Variants in H2BC7 observed in about 807,000 individuals in gnomAD.
H2BC7 encodes the protein H2B clustered histone 7, also known as histone H2B type 1-C/E/F/G/I.
H2BC7 carries 15 observed loss-of-function variants against 6.0 expected under a neutral mutation model. That is an observed-to-expected ratio of 2.48 (90% CI 1.66 to 3.82). The LOEUF is 3.82. Among genes scored for constraint, H2BC7 ranks in the 30% most tolerant of loss-of-function variants. H2BC7 has a pLI of 0.00. For synonymous variants in H2BC7, 148 were observed against 70.7 expected (o/e 2.09, Z -5.49); for missense variants, 227 against 169.4 (o/e 1.34, Z -1.89).
rs2113861187 is a variant in H2BC7 at position 26,199,654 on chromosome 6, T to C, written c.96T>C (p.Arg32=). The C allele has an allele frequency of 6.2e-7, 1 of 1,614,260 alleles. No individual in the cohort carries two copies. Residue 32 remains arginine (R), a synonymous_variant, in exon 1 of 1, where the codon CGT becomes CGC. Coordinates refer to ENST00000356530, the MANE Select transcript of H2BC7 (RefSeq NM_003522.4). ...AQKKDGKKRK[R]SRKESYSVYV... ...AGAAGGATGGTAAGAAGCGCAAGCGTAGCCGCAAGGAGAGCTATTCCGTGT... is the reference window on the plus strand; with the variant it reads ...AGAAGGATGGTAAGAAGCGCAAGCGCAGCCGCAAGGAGAGCTATTCCGTGT...
In H2BC7 at chr6:26,199,676, G is replaced by A. The variant is rs1262145085; in HGVS notation, c.118G>A (p.Val40Met). 3.1e-6 allele frequency: 5 copies of A among 1,614,124 alleles called. No individual in the cohort carries two copies. Among genetic ancestry groups the A allele is most frequent in the African/African-American group, 1.3e-5 (1 of 74,940 alleles). The change falls in exon 1 of 1, where the codon GTG (valine) becomes ATG (methionine). Residue 40 changes from valine to methionine, a missense_variant. Coordinates refer to ENST00000356530, the MANE Select transcript of H2BC7 (RefSeq NM_003522.4). ...RKRSRKESYS[V>M]YVYKVLKQVH... ...GCGTAGCCGCAAGGAGAGCTATTCC[G>A]TGTACGTGTACAAGGTGCTAAAGCA... is the stretch of plus-strand genomic sequence containing the variant.
rs1470954515 is a variant in H2BC7, at chr6:26,199,957, C to G, written c.*18C>G. ...CTAAGTAATTCTAACGTCTTCATAC[C>G]CAATCCCAAAGGCTCTTTTAAGAGC... is the stretch of plus-strand genomic sequence containing the variant. On this transcript the variant is annotated 3_prime_UTR_variant, in exon 1 of 1. Transcript: ENST00000356530. 6.2e-7 allele frequency: 1 copy of G among 1,612,718 alleles called. No homozygotes were observed. Among genetic ancestry groups the G allele is most frequent in the Non-Finnish European group, 8.5e-7 (1 of 1,179,580 alleles).
In H2BC7 at chr6:26,199,658, C is replaced by T. The variant is rs1287373138; in HGVS notation, c.100C>T (p.Arg34Cys). The T allele has an allele frequency of 6.2e-7, 1 of 1,614,244 alleles. No individual in the cohort carries two copies. Among genetic ancestry groups the T allele is most frequent in the African/African-American group, 1.3e-5 (1 of 75,066 alleles). Residue 34 changes from arginine (R) to cysteine (C), a missense_variant, in exon 1 of 1, where the codon CGC becomes TGC. By Grantham distance (180) the Arg-to-Cys change is radical. Transcript: ENST00000356530. The part of the protein sequence containing the change: ...KKDGKKRKRS[R>C]KESYSVYVYK... ...GGATGGTAAGAAGCGCAAGCGTAGC[C>T]GCAAGGAGAGCTATTCCGTGTACGT...
In H2BC7 at chr6:26,199,880, G is replaced by C; in HGVS notation, c.322G>C (p.Ala108Pro). The change falls in exon 1 of 1, where the codon GCT becomes CCT. Residue 108 changes from alanine to proline, a missense_variant. Ala to Pro is a conservative substitution (Grantham distance 27). Transcript: ENST00000356530. ...ACGCCTGCTGCTGCCCGGGGAGCTG[G>C]CTAAGCACGCCGTGTCAGAGGGCAC... Reference protein sequence around the residue: ...AVRLLLPGELAKHAVSEGTKA... With the variant: ...AVRLLLPGELPKHAVSEGTKA... 4 of 1,614,244 alleles carry C rather than the reference G, an allele frequency of 2.5e-6. No homozygotes were observed. Among genetic ancestry groups the C allele is most frequent in the African/African-American group, 1.3e-5 (1 of 75,070 alleles).
Position 26,199,903 on chromosome 6 carries a change from C to T in H2BC7, c.345C>T (p.Gly115=), listed in dbSNP as rs1480390748. 6 of 1,614,148 alleles carry T rather than the reference C, an allele frequency of 3.7e-6. No homozygotes were observed. The highest frequency in any genetic ancestry group is 3.3e-5 in the Admixed American group (2 of 60,012). ...GELAKHAVSE[G]TKAVTKYTSS... ...TGGCTAAGCACGCCGTGTCAGAGGG[C>T]ACCAAGGCCGTCACCAAGTACACCA... Residue 115 remains glycine, a synonymous_variant, in exon 1 of 1, where the codon GGC becomes GGT. Coordinates refer to ENST00000356530, the MANE Select transcript of H2BC7 (RefSeq NM_003522.4).
In H2BC7 at chr6:26,199,526, C is replaced by T. The variant is rs377532242; in HGVS notation, c.-33C>T. The T allele has an allele frequency of 5.0e-6, 8 of 1,600,626 alleles. No individual in the cohort carries two copies. Among genetic ancestry groups the T allele is most frequent in the Admixed American group, 1.8e-5 (1 of 55,448 alleles). On this transcript the variant is annotated 5_prime_UTR_variant, in exon 1 of 1. Transcript: ENST00000356530. ...CTGCAGAGTGAGGACACTTGCATTT[C>T]TCTTTAGGTTGTGGACGAAGTGTTT...
rs34961555 is a variant in H2BC7 at position 26,199,675 on chromosome 6, C to T, written c.117C>T (p.Ser39=). ...KRKRSRKESY[S]VYVYKVLKQV... is the part of the protein sequence containing the mutation. ...AGCGTAGCCGCAAGGAGAGCTATTC[C>T]GTGTACGTGTACAAGGTGCTAAAGC... is the stretch of plus-strand genomic sequence containing the variant. The change falls in exon 1 of 1, where the codon TCC becomes TCT. Residue 39 remains serine, a synonymous_variant. Transcript: ENST00000356530. The T allele has an allele frequency of 0.074, 118,788 of 1,614,218 alleles. 5,691 individuals carry two copies. Among genetic ancestry groups the T allele is most frequent in the Non-Finnish European group, 0.093 (110,001 of 1,180,032 alleles).
Position 26,199,932 on chromosome 6 carries a change from C to G in H2BC7, c.374C>G (p.Ser125Cys), listed in dbSNP as rs755243235. 1 of 1,614,086 alleles carries G rather than the reference C, an allele frequency of 6.2e-7. No individual in the cohort carries two copies. Among genetic ancestry groups the G allele is most frequent in the African/African-American group, 1.3e-5 (1 of 74,944 alleles). The change falls in exon 1 of 1, where the codon TCT becomes TGT. Residue 125 changes from serine to cysteine, a missense_variant. Physicochemically the swap from Ser to Cys is moderately radical, Grantham distance 112 (BLOSUM62 -1). Transcript: ENST00000356530. ...GTKAVTKYTS[S>C]K is the part of the protein sequence containing the mutation. ...AAGGCCGTCACCAAGTACACCAGCT[C>G]TAAGTAATTCTAACGTCTTCATACC...
chr6:26,199,818 G>T lies in H2BC7; in HGVS notation c.260G>T (p.Arg87Leu), dbSNP rs1026081091. ...TCCCGCCTGGCGCATTACAACAAGC[G>T]CTCCACCATCACCTCCAGGGAGATC... ...EASRLAHYNKRSTITSREIQT... is the reference protein window; with the variant it reads ...EASRLAHYNKLSTITSREIQT... The change falls in exon 1 of 1, where the codon CGC (arginine) becomes CTC (leucine). Residue 87 changes from arginine (R) to leucine (L), a missense_variant. Coordinates refer to ENST00000356530, the MANE Select transcript of H2BC7 (RefSeq NM_003522.4). 1 of 1,614,208 alleles carries T rather than the reference G, an allele frequency of 6.2e-7. No homozygotes were observed. Among genetic ancestry groups the T allele is most frequent in the Non-Finnish European group, 8.5e-7 (1 of 1,180,036 alleles).
chr6:26,199,609 G>C lies in H2BC7; in HGVS notation c.51G>C (p.Lys17Asn). ...CTGCTCCAAAAAAGGGCTCCAAAAA[G>C]GCGGTGACCAAGGCGCAGAAGAAGG... ...SAPAPKKGSK[K>N]AVTKAQKKDG... The change falls in exon 1 of 1, where the codon AAG becomes AAC. Residue 17 changes from lysine to asparagine, a missense_variant. Lys to Asn is a moderately conservative substitution (Grantham distance 94). Transcript: ENST00000356530. The C allele has an allele frequency of 2.5e-6, 4 of 1,614,246 alleles. No individual in the cohort carries two copies. Among genetic ancestry groups the C allele is most frequent in the Non-Finnish European group, 3.4e-6 (4 of 1,180,048 alleles).
rs1296586046 is a variant in H2BC7 at position 26,199,833 on chromosome 6, C to T, written c.275C>T (p.Ser92Phe). Residue 92 changes from serine (S) to phenylalanine (F), a missense_variant, in exon 1 of 1, where the codon TCC becomes TTC. Coordinates refer to ENST00000356530, the MANE Select transcript of H2BC7 (RefSeq NM_003522.4). ...AHYNKRSTIT[S>F]REIQTAVRLL... ...TACAACAAGCGCTCCACCATCACCT[C>T]CAGGGAGATCCAGACGGCCGTACGC... 1 of 1,614,252 alleles carries T rather than the reference C, an allele frequency of 6.2e-7. No individual in the cohort carries two copies. Among genetic ancestry groups the T allele is most frequent in the East Asian group, 2.2e-5 (1 of 44,892 alleles).
In H2BC7 at chr6:26,199,984, A is replaced by C. The variant is rs776710817; in HGVS notation, c.*45A>C. ...AATCCCAAAGGCTCTTTTAAGAGCC[A>C]CCCACTTTTTCAGCTATAGAGTTGT... On this transcript the variant is annotated 3_prime_UTR_variant, in exon 1 of 1. Coordinates refer to ENST00000356530, the MANE Select transcript of H2BC7 (RefSeq NM_003522.4). The C allele has an allele frequency of 4.8e-5, 77 of 1,602,726 alleles. No individual in the cohort carries two copies. The Middle Eastern group carries it at 1.2e-3, about 24-fold the overall frequency.
Position 26,199,880 on chromosome 6 carries a change from G to A in H2BC7, c.322G>A (p.Ala108Thr). 1 of 1,614,244 alleles carries A rather than the reference G, an allele frequency of 6.2e-7. No homozygotes were observed. The highest frequency in any genetic ancestry group is 8.5e-7 in the Non-Finnish European group (1 of 1,180,042). ...AVRLLLPGELAKHAVSEGTKA... is the reference protein window; with the variant it reads ...AVRLLLPGELTKHAVSEGTKA... ...ACGCCTGCTGCTGCCCGGGGAGCTG[G>A]CTAAGCACGCCGTGTCAGAGGGCAC... Residue 108 changes from alanine to threonine, a missense_variant, in exon 1 of 1, where the codon GCT becomes ACT. Ala to Thr is a moderately conservative substitution (Grantham distance 58). Coordinates refer to ENST00000356530, the MANE Select transcript of H2BC7 (RefSeq NM_003522.4).
chr6:26,199,627 G>A lies in H2BC7; in HGVS notation c.69G>A (p.Gln23=), dbSNP rs150784470. 9.9e-6 allele frequency: 16 copies of A among 1,614,056 alleles called. No individual in the cohort carries two copies. The highest frequency in any genetic ancestry group is 8.0e-5 in the African/African-American group (6 of 74,940). ...CCAAAAAGGCGGTGACCAAGGCGCA[G>A]AAGAAGGATGGTAAGAAGCGCAAGC... ...KGSKKAVTKA[Q]KKDGKKRKRS... is the part of the protein sequence containing the mutation. Residue 23 remains glutamine (Q), a synonymous_variant, in exon 1 of 1, where the codon CAG becomes CAA. Coordinates refer to ENST00000356530, the MANE Select transcript of H2BC7 (RefSeq NM_003522.4).
In H2BC7 at chr6:26,199,723, C is replaced by G. The variant is rs1765089005; in HGVS notation, c.165C>G (p.Ile55Met). The change falls in exon 1 of 1, where the codon ATC (isoleucine) becomes ATG (methionine). Residue 55 changes from isoleucine to methionine, a missense_variant. Transcript: ENST00000356530. The stretch of plus-strand genomic sequence containing the variant: ...AGCAGGTCCACCCCGACACCGGCAT[C>G]TCATCCAAGGCCATGGGCATCATGA... ...VLKQVHPDTGISSKAMGIMNS... is the reference protein window; with the variant it reads ...VLKQVHPDTGMSSKAMGIMNS... 2.5e-6 allele frequency: 4 copies of G among 1,614,276 alleles called. No individual in the cohort carries two copies. Among genetic ancestry groups the G allele is most frequent in the Non-Finnish European group, 3.4e-6 (4 of 1,180,052 alleles).
rs1765087544 is a variant in H2BC7, at chr6:26,199,694, C to T, written c.136C>T (p.Leu46=). Residue 46 remains leucine, a synonymous_variant, in exon 1 of 1, where the codon CTA becomes TTA. Coordinates refer to ENST00000356530, the MANE Select transcript of H2BC7 (RefSeq NM_003522.4). ...CTATTCCGTGTACGTGTACAAGGTG[C>T]TAAAGCAGGTCCACCCCGACACCGG... is the stretch of plus-strand genomic sequence containing the variant. ...ESYSVYVYKV[L]KQVHPDTGIS... 4 of 1,614,226 alleles carry T rather than the reference C, an allele frequency of 2.5e-6. No homozygotes were observed. The highest frequency in any genetic ancestry group is 3.3e-5 in the Admixed American group (2 of 60,028).
In H2BC7 at chr6:26,199,968, G is replaced by A; in HGVS notation, c.*29G>A. Reference sequence around the variant, plus strand: ...TAACGTCTTCATACCCAATCCCAAAGGCTCTTTTAAGAGCCACCCACTTTT... The same window carrying A: ...TAACGTCTTCATACCCAATCCCAAAAGCTCTTTTAAGAGCCACCCACTTTT... On this transcript the variant is annotated 3_prime_UTR_variant, in exon 1 of 1. Coordinates refer to ENST00000356530, the MANE Select transcript of H2BC7 (RefSeq NM_003522.4). 6.2e-7 allele frequency: 1 copy of A among 1,609,210 alleles called. No homozygotes were observed. The highest frequency in any genetic ancestry group is 1.1e-5 in the South Asian group (1 of 90,492).
At position 26,199,936 on chromosome 6, in the gene H2BC7, G is replaced by C. The variant is rs149335585; in HGVS notation, c.378G>C (p.Lys126Asn). The C allele has an allele frequency of 1.2e-6, 2 of 1,614,212 alleles. No individual in the cohort carries two copies. The highest frequency in any genetic ancestry group is 2.2e-5 in the East Asian group (1 of 44,888). ...TKAVTKYTSS[K>N] is the part of the protein sequence containing the mutation. ...CCGTCACCAAGTACACCAGCTCTAA[G>C]TAATTCTAACGTCTTCATACCCAAT... The change falls in exon 1 of 1, where the codon AAG (lysine) becomes AAC (asparagine). Residue 126 changes from lysine to asparagine, a missense_variant. Lys to Asn is a moderately conservative substitution (Grantham distance 94, BLOSUM62 0). Transcript: ENST00000356530.
Position 26,199,953 on chromosome 6 carries a change from A to T in H2BC7, c.*14A>T. The T allele has an allele frequency of 6.2e-7, 1 of 1,613,474 alleles. No individual in the cohort carries two copies. Among genetic ancestry groups the T allele is most frequent in the Middle Eastern group, 1.7e-4 (1 of 6,060 alleles). On this transcript the variant is annotated 3_prime_UTR_variant, in exon 1 of 1. Transcript: ENST00000356530. ...AGCTCTAAGTAATTCTAACGTCTTC[A>T]TACCCAATCCCAAAGGCTCTTTTAA...
Sources: gnomAD v4.1 joint callset for allele counts on GRCh38, gnomAD v4.1.1 for gene constraint, MANE v1.5 for transcripts, NCBI Gene and HGNC (gene_info 2026-07-23, HGNC 2026-07-21) for gene names.